TAB1: variants seen among roughly 807,000 people sequenced by gnomAD.
TAB1 encodes TGF-beta-activated kinase 1 and MAP3K7-binding protein 1.
In TAB1, 30 loss-of-function variants were observed where a neutral mutation model predicts 54.5. That is an observed-to-expected ratio of 0.55 (90% CI 0.41 to 0.75). The LOEUF is 0.75. Ranked by LOEUF, TAB1 falls within the 30% of genes least tolerant of loss-of-function variation. The pLI, the probability that TAB1 is intolerant of heterozygous loss-of-function variation, is 0.00. For missense variants in TAB1, 609 were observed against 683.2 expected (o/e 0.89, Z 1.21); for synonymous variants, 289 against 286.9 (o/e 1.01, Z -0.07).
chr22:39,405,171 G>GT (rs1450228126), intron 1 of TAB1, among the ~76,000 whole-genome samples: 1 of 152,204 alleles, frequency 6.6e-6, no homozygotes, highest in African/African-American at 2.4e-5. Context: ...AGATGAGTCT[G>GT]TGTGGGTACT....
chr22:39,418,883 G>A (rs1454506229), intron 6 of TAB1, 38 bp downstream of exon 6: 1 of 1,528,808 alleles, frequency 6.5e-7, no homozygotes, highest in South Asian at 1.1e-5. Flanking sequence ...TGATCCCCAT[G>A]GGCTCACCCT....
chr22:39,412,794 A>C (rs1926660883), intron 1 of TAB1, among the ~76,000 whole-genome samples: 1 of 151,984 alleles, frequency 6.6e-6, no homozygotes, highest in African/African-American at 2.4e-5. Flanking sequence ...AAGAAGTTGC[A>C]CACAGTATCT....
chr22:39,406,656 G>A (rs916397653), intron 1 of TAB1, among the ~76,000 whole-genome samples: 13 of 150,908 alleles, frequency 8.6e-5, no homozygotes, highest in African/African-American at 2.0e-4. Context: ...TTTTTGAGAC[G>A]GAGTCTTGCT....
chr22:39,430,471 C>A lies in TAB1; in HGVS notation c.*249C>A. 2 of 1,391,062 alleles carry A rather than the reference C, an allele frequency of 1.4e-6. No homozygotes were observed. The highest frequency in any genetic ancestry group is 1.9e-6 in the Non-Finnish European group (2 of 1,070,618). The allele number at this position is 1,391,062 out of a possible 1,614,324, so 86.2% of individuals were successfully genotyped here. A position where few individuals can be genotyped will look rare whatever the true frequency, so the allele number is the denominator to read the frequency against. On this transcript the variant is annotated 3_prime_UTR_variant, in exon 11 of 11. Coordinates refer to ENST00000216160, the MANE Select transcript of TAB1 (RefSeq NM_006116.3). ...GATGGCCTCAGCCAGGACCATCGCC[C>A]TTTCTCAGAGCAGAGGGCCAGGTAT...
chr22:39,436,153 C>T (rs1023377446), downstream of TAB1, among the ~76,000 whole-genome samples: 10 of 152,056 alleles, frequency 6.6e-5, no homozygotes, highest in African/African-American at 1.9e-4. Context: ...AGTAGCCAGG[C>T]GTTGTGGTGC....
At chr22:39,425,559 C>CTT (rs112880620) in intron 8 of TAB1, among the ~76,000 whole-genome samples, 2 of 144,522 alleles carry the variant, frequency 1.4e-5, no homozygotes, top group Admixed American at 6.9e-5. Flanking sequence ...TTTTTCTTTT[C>CTT]TTTTTTTTTT....
chr22:39,402,313 G>T (rs904379906), intron 1 of TAB1, among the ~76,000 whole-genome samples: 1 of 152,118 alleles, frequency 6.6e-6, no homozygotes, highest in Non-Finnish European at 1.5e-5. Flanking sequence ...ACCGCATCTG[G>T]CTAAGGACAG....
Position 39,418,793 on chromosome 22 carries a change from C to T in TAB1, c.612C>T (p.Asn204=), listed in dbSNP as rs373036029. The change falls in exon 6 of 11, where the codon AAC becomes AAT. Residue 204 remains asparagine (N), a synonymous_variant. Coordinates refer to ENST00000216160, the MANE Select transcript of TAB1 (RefSeq NM_006116.3). The stretch of plus-strand genomic sequence containing the variant: ...ATGGGTTGCAGGTGACACAGCTGAA[C>T]GTGGACCACACCACAGAGAACGAGG... The part of the protein sequence containing the change: ...TVDGLQVTQL[N]VDHTTENEDE... 1.2e-5 allele frequency: 19 copies of T among 1,614,038 alleles called. No homozygotes were observed. The highest frequency in any genetic ancestry group is 8.9e-5 in the East Asian group (4 of 44,898).
chr22:39,423,590 G>A (rs903620663), intron 8 of TAB1, among the ~76,000 whole-genome samples: 1 of 152,176 alleles, frequency 6.6e-6, no homozygotes, highest in African/African-American at 2.4e-5. Flanking sequence ...GAGCAACAGA[G>A]CAAGACTCTG....
chr22:39,427,442 T>C (rs1440835789), intron 9 of TAB1, among the ~76,000 whole-genome samples: 2 of 152,206 alleles, frequency 1.3e-5, no homozygotes, highest in Non-Finnish European at 2.9e-5. Flanking sequence ...GACGTTTTGC[T>C]TTTTACCTAT....
intron 1 of TAB1, among the ~76,000 whole-genome samples, chr22:39,406,525 G>C (rs1926373085): frequency 6.6e-6 from 1 of 152,274 alleles, no homozygotes; most frequent in Admixed American, 6.5e-5. Context: ...TGCCTTTAGG[G>C]TAGATAGGAC....
downstream of TAB1, chr22:39,436,658 T>C: frequency 9.0e-7 from 1 of 1,107,840 alleles, no homozygotes; most frequent in Non-Finnish European, 1.4e-6. Flanking sequence ...CACTGGGATC[T>C]TCTCGTGCCA....
chr22:39,402,551 GC>G (rs1409733000), intron 1 of TAB1, among the ~76,000 whole-genome samples: 1 of 152,126 alleles, frequency 6.6e-6, no homozygotes, highest in Admixed American at 6.5e-5. Flanking sequence ...GAAGCAAAAA[GC>G]TTTTTTGTGG....
rs1168417703 is a variant in TAB1, at chr22:39,431,831, T to C, written c.*1609T>C. 1 of 985,362 alleles carries C rather than the reference T, an allele frequency of 1.0e-6. No individual in the cohort carries two copies. The highest frequency in any genetic ancestry group is 1.7e-5 in the African/African-American group (1 of 57,252). The allele number at this position is 985,362 out of a possible 1,614,324, so 61.0% of individuals were successfully genotyped here. On this transcript the variant is annotated 3_prime_UTR_variant, in exon 11 of 11. Coordinates refer to ENST00000216160, the MANE Select transcript of TAB1 (RefSeq NM_006116.3). ...TGGTCTCTAGAAACAGGGTCACTTT[T>C]TTAATGTAGTAAAGAAGTAATAAAT...
intron 1 of TAB1, among the ~76,000 whole-genome samples, chr22:39,404,699 C>T (rs4337572): frequency 6.6e-6 from 1 of 152,052 alleles, no homozygotes; most frequent in Non-Finnish European, 1.5e-5. Context: ...TACATAGCCA[C>T]TAAAATAAAA....
chr22:39,402,783 C>T (rs1399720424), intron 1 of TAB1, among the ~76,000 whole-genome samples: 1 of 151,748 alleles, frequency 6.6e-6, no homozygotes, highest in Non-Finnish European at 1.5e-5. Context: ...AACTCCTGGC[C>T]TCAAGCAATC....
At chr22:39,404,849 T>C (rs779351785) in intron 1 of TAB1, among the ~76,000 whole-genome samples, 16 of 152,128 alleles carry the variant, frequency 1.1e-4, no homozygotes, top group Admixed American at 6.5e-4. Context: ...GAACCTTCAA[T>C]GAAAACTCCG....
In TAB1 at chr22:39,420,882, CTGTGTGTGTGTGTGTGTGTGTG is replaced by C. The variant is rs3043618; in HGVS notation, c.777-921_777-900del. ...CACCCAGGTGCTGGGGTGTCTCTCT[CTGTGTGTGTGTGTGTGTGTGTG>C]TGTGTGTGTGTGTGTGTGTGTGTTT... On this transcript the variant is annotated intron_variant, in intron 7 of 10. Coordinates refer to ENST00000216160, the MANE Select transcript of TAB1 (RefSeq NM_006116.3). Among the ~76,000 whole-genome samples, 9 of 14,386 alleles carry C rather than the reference CTGTGTGTGTGTGTGTGTGTGTG, an allele frequency of 6.3e-4. No individual in the cohort carries two copies. The East Asian group carries it at 9.1e-3, about 14-fold the overall frequency. The allele number at this position is 14,386 out of a possible 152,430, so 9.4% of individuals were successfully genotyped here.
chr22:39,426,766 G>A lies in TAB1; in HGVS notation c.985G>A (p.Ala329Thr). ...KQTSLDAVAQ[A>T]VVDRVKRIHS... The stretch of plus-strand genomic sequence containing the variant: ...GACCTCCCTGGACGCAGTGGCCCAG[G>A]CCGTCGTGGACCGGGTGAAGCGCAT... Residue 329 changes from alanine (A) to threonine (T), a missense_variant, in exon 9 of 11, where the codon GCC (alanine) becomes ACC (threonine). Ala to Thr is a moderately conservative substitution (Grantham distance 58). Transcript: ENST00000216160. The A allele has an allele frequency of 6.2e-7, 1 of 1,613,956 alleles. No individual in the cohort carries two copies. The highest frequency in any genetic ancestry group is 8.5e-7 in the Non-Finnish European group (1 of 1,179,912).
Sources: allele counts gnomAD v4.1 joint callset (sites outside exome capture counted in the v4.1 genomes callset), GRCh38; gene constraint gnomAD v4.1.1; transcripts MANE v1.5; gene names NCBI Gene and HGNC (gene_info 2026-07-23, HGNC 2026-07-21).